SYNPO2: variants seen among roughly 807,000 people sequenced by gnomAD.
The protein encoded by SYNPO2 is synaptopodin-2.
SYNPO2 carries 56 observed loss-of-function variants against 85.0 expected under a neutral mutation model. The observed-to-expected ratio is 0.66, with a 90% CI of 0.53 to 0.82. The LOEUF is 0.82. Among genes scored for constraint, SYNPO2 ranks in the 40% least tolerant of loss-of-function variants. SYNPO2 has a pLI of 0.00. For missense variants in SYNPO2, 1,575 were observed against 1,534.2 expected, an observed-to-expected ratio of 1.03 and a Z score of -0.44; for synonymous variants, 602 against 591.1, an observed-to-expected ratio of 1.02 and a Z score of -0.27.
intron 1 of SYNPO2, among the ~76,000 whole-genome samples, chr4:118,963,818 C>T (rs931537113): frequency 5.9e-5 from 9 of 152,196 alleles, no homozygotes; most frequent in Admixed American, 1.3e-4. Flanking sequence ...TTGCATTAAG[C>T]TTTTTGCATA....
chr4:119,030,578 C>G lies in SYNPO2; in HGVS notation c.1803C>G (p.Thr601=). 2 of 1,614,096 alleles carry G rather than the reference C, an allele frequency of 1.2e-6. No homozygotes were observed. Among genetic ancestry groups the G allele is most frequent in the Non-Finnish European group, 1.7e-6 (2 of 1,180,014 alleles). The change falls in exon 4 of 5, where the codon ACC becomes ACG. Residue 601 remains threonine (T), a synonymous_variant. Coordinates refer to ENST00000307142, the MANE Select transcript of SYNPO2 (RefSeq NM_133477.3). The stretch of plus-strand genomic sequence containing the variant: ...CAGGGTCTGTGAATCAGCCAGCTAC[C>G]CCCTTCTCGCCAACCCGAAACATGA... ...PFPGSVNQPA[T]PFSPTRNMTS...
intron 1 of SYNPO2, among the ~76,000 whole-genome samples, chr4:118,989,656 T>G (rs531198784): frequency 6.6e-6 from 1 of 152,362 alleles, no homozygotes; most frequent in Non-Finnish European, 1.5e-5. Context: ...CATGCTTCCA[T>G]GGAATATCAT....
chr4:118,957,914 G>A (rs972544211), intron 1 of SYNPO2, among the ~76,000 whole-genome samples: 6 of 152,164 alleles, frequency 3.9e-5, no homozygotes, highest in African/African-American at 7.2e-5. Context: ...GCTCACTCCC[G>A]TCAGAGCTTG....
Position 119,026,958 on chromosome 4 carries a change from G to A in SYNPO2, c.589G>A (p.Val197Ile). 1 of 1,614,208 alleles carries A rather than the reference G, an allele frequency of 6.2e-7. No homozygotes were observed. The highest frequency in any genetic ancestry group is 8.5e-7 in the Non-Finnish European group (1 of 1,180,044). ...AGAAGCGGTACAGCCTGGGCCTGTG[G>A]TTGAGCTGCAACTGTCCCTTTCACA... ...KVEAVQPGPV[V>I]ELQLSLSQER... Residue 197 changes from valine to isoleucine, a missense_variant, in exon 3 of 5, where the codon GTT becomes ATT. Transcript: ENST00000307142.
chr4:119,039,827 GA>G (rs1362321437), intron 4 of SYNPO2, among the ~76,000 whole-genome samples: 2 of 152,036 alleles, frequency 1.3e-5, no homozygotes, highest in Non-Finnish European at 2.9e-5. Flanking sequence ...TTTAATTTAG[GA>G]AAAGCAAAAG....
At chr4:118,983,085 A>G (rs556840582) in intron 1 of SYNPO2, among the ~76,000 whole-genome samples, 2 of 152,286 alleles carry the variant, frequency 1.3e-5, no homozygotes, top group African/African-American at 4.8e-5. Context: ...ACAGAAACTC[A>G]TGGAACACAG....
At chr4:119,032,929 T>TTTCCCCCC in intron 4 of SYNPO2, 1 of 905,324 alleles carries the variant, frequency 1.1e-6, no homozygotes, top group Non-Finnish European at 1.3e-6. Context: ...AAAGGTTGAT[T>TTTCCCCCC]CCCACCCTCC....
At chr4:118,885,828 AG>A (rs1732189374), upstream of SYNPO2, among the ~76,000 whole-genome samples, 1 of 152,208 alleles carries the variant, frequency 6.6e-6, no homozygotes, top group African/African-American at 2.4e-5. Flanking sequence ...GATAAGCATC[AG>A]GGAATACATA....
At chr4:119,056,562 A>C (rs1739212577) in intron 4 of SYNPO2, among the ~76,000 whole-genome samples, 2 of 152,136 alleles carry the variant, frequency 1.3e-5, no homozygotes, top group South Asian at 4.1e-4. Flanking sequence ...ACTCTATATA[A>C]TAATAATTAA....
In SYNPO2 at chr4:119,060,319, G is replaced by T. The variant is rs1273990577; in HGVS notation, c.*2385G>T. The T allele has an allele frequency of 2.0e-5, 3 of 152,076 alleles. No homozygotes were observed. The highest frequency in any genetic ancestry group is 4.4e-5 in the Non-Finnish European group (3 of 67,990). The allele number at this position is 152,076 out of a possible 1,614,324, so 9.4% of individuals were successfully genotyped here. On this transcript the variant is annotated 3_prime_UTR_variant, in exon 5 of 5. Coordinates refer to ENST00000307142, the MANE Select transcript of SYNPO2 (RefSeq NM_133477.3). ...GAAAAAGACAGTACATGGTGGGAAA[G>T]CTGCACATTTCTCACAAGGAAAAAA...
chr4:119,014,449 T>G (rs1306677049), intron 1 of SYNPO2, among the ~76,000 whole-genome samples: 1 of 152,082 alleles, frequency 6.6e-6, no homozygotes, highest in Non-Finnish European at 1.5e-5. Context: ...TTTGTAGAAG[T>G]GGGAAATAAT....
chr4:119,044,110 A>G (rs1365546598), intron 4 of SYNPO2, among the ~76,000 whole-genome samples: 1 of 152,226 alleles, frequency 6.6e-6, no homozygotes, highest in East Asian at 1.9e-4. Context: ...ACAGACTACA[A>G]CTATATCTGG....
At chr4:119,017,447 G>A (rs1737562355) in intron 1 of SYNPO2, among the ~76,000 whole-genome samples, 1 of 152,068 alleles carries the variant, frequency 6.6e-6, no homozygotes, top group Non-Finnish European at 1.5e-5. Context: ...TGTCTTACAG[G>A]TATGAGGCAG....
At chr4:118,928,467 T>G (rs1324695635) in intron 1 of SYNPO2, among the ~76,000 whole-genome samples, 1 of 151,306 alleles carries the variant, frequency 6.6e-6, no homozygotes, top group Admixed American at 6.6e-5. Context: ...AACTTCTCCA[T>G]GCAAGGAAAA....
At chr4:118,879,562 G>C (rs1395078468) in intron 1 of SYNPO2, among the ~76,000 whole-genome samples, 2 of 152,202 alleles carry the variant, frequency 1.3e-5, no homozygotes, top group African/African-American at 4.8e-5. Flanking sequence ...TCAGCAGACA[G>C]TGGACCTAGC....
chr4:118,927,869 G>C (rs2172013), intron 1 of SYNPO2, among the ~76,000 whole-genome samples: 1 of 151,796 alleles, frequency 6.6e-6, no homozygotes, highest in East Asian at 1.9e-4. Context: ...CATTCTGCCT[G>C]TATGTGTTGT....
intron 4 of SYNPO2, among the ~76,000 whole-genome samples, chr4:119,054,515 G>A (rs1223107290): frequency 6.6e-6 from 1 of 152,094 alleles, no homozygotes; most frequent in Non-Finnish European, 1.5e-5. Flanking sequence ...GAAGAGGATG[G>A]GCAGGTTGTC....
In SYNPO2 at chr4:118,888,951, G is replaced by T. The variant is rs2149112557; in HGVS notation, c.-86G>T. On this transcript the variant is annotated 5_prime_UTR_variant, in exon 1 of 5. Transcript: ENST00000307142. Reference sequence around the variant, plus strand: ...ACCCAGTCTTGCGTCCTCGGCAGGCGCCCGAAGCTGAGTGCGCATCCTCTA... The same window carrying T: ...ACCCAGTCTTGCGTCCTCGGCAGGCTCCCGAAGCTGAGTGCGCATCCTCTA... 2 of 1,366,442 alleles carry T rather than the reference G, an allele frequency of 1.5e-6. No homozygotes were observed. The highest frequency in any genetic ancestry group is 1.2e-5 in the South Asian group (1 of 85,258). The allele number at this position is 1,366,442 out of a possible 1,614,324, so 84.6% of individuals were successfully genotyped here.
chr4:118,917,053 A>T (rs1733361303), intron 1 of SYNPO2, among the ~76,000 whole-genome samples: 1 of 152,134 alleles, frequency 6.6e-6, no homozygotes, highest in African/African-American at 2.4e-5. Context: ...GTTTTCAAAA[A>T]ATTTGTTTTA....
Sources: allele counts gnomAD v4.1 joint callset (sites outside exome capture counted in the v4.1 genomes callset), GRCh38; gene constraint gnomAD v4.1.1; transcripts MANE v1.5; gene names NCBI Gene and HGNC (gene_info 2026-07-23, HGNC 2026-07-21).